The following KYAT1 variants were observed in gnomAD, a reference collection of about 807,000 sequenced individuals.
KYAT1 encodes kynurenine aminotransferase 1, also known as kynurenine--oxoglutarate transaminase 1.
KYAT1 carries 47 observed loss-of-function variants against 52.4 expected under a neutral mutation model. The observed-to-expected ratio is 0.90, with a 90% CI of 0.71 to 1.14. The LOEUF (loss-of-function observed/expected upper bound fraction) is 1.14, where lower values mean the gene tolerates loss of function less well. KYAT1 is among the 50% of genes most tolerant of loss of function. The pLI is 0.00. For missense variants in KYAT1, 480 were observed against 557.9 expected (o/e 0.86, Z 1.41); for synonymous variants, 212 against 209.6 (o/e 1.01, Z -0.10).
intron 1 of KYAT1, among the ~76,000 whole-genome samples, chr9:128,880,171 C>T (rs78877542): frequency 4.6e-5 from 7 of 152,264 alleles, no homozygotes; most frequent in South Asian, 4.1e-4. Flanking sequence ...TGGAGGCCCA[C>T]GGAGTACCTG....
chr9:128,849,531 T>C (rs10819450), intron 1 of KYAT1, among the ~76,000 whole-genome samples: 96,971 of 151,626 alleles, frequency 0.64, 33,602 homozygotes, highest in Admixed American at 0.76. Flanking sequence ...CGTGGCAGCT[T>C]ATGCCTGTAA....
At chr9:128,858,395 T>TA (rs59939090) in intron 1 of KYAT1, among the ~76,000 whole-genome samples, 4 of 65,108 alleles carry the variant, frequency 6.1e-5, no homozygotes, top group African/African-American at 3.4e-4. Context: ...AGACCATGTA[T>TA]AAAAAAAAAA....
In KYAT1 at chr9:128,867,284, A is replaced by G. The variant is rs149292867; in HGVS notation, c.-7+14613T>C. Among the ~76,000 whole-genome samples the G allele has an allele frequency of 7.3e-3, 1,114 of 152,262 alleles. 8 individuals carry two copies. Among genetic ancestry groups the G allele is most frequent in the African/African-American group, 0.019 (788 of 41,544 alleles). On this transcript the variant is annotated intron_variant, in intron 1 of 12. Transcript: ENST00000302586. ...AGCTTACACCTCTGGGGCTCAAGCCATCCTCCCACCTCAGCTTCCCAAGTA... is the reference window on the plus strand; with the variant it reads ...AGCTTACACCTCTGGGGCTCAAGCCGTCCTCCCACCTCAGCTTCCCAAGTA...
At chr9:128,877,634 T>C (rs1177518884) in intron 1 of KYAT1, among the ~76,000 whole-genome samples, 1 of 152,182 alleles carries the variant, frequency 6.6e-6, no homozygotes, top group African/African-American at 2.4e-5. Flanking sequence ...AACTTCACCT[T>C]GCATGGCTGC....
intron 1 of KYAT1, 107 bp downstream of exon 1, chr9:128,881,790 T>A (rs1838965016): frequency 6.6e-6 from 1 of 152,106 alleles, no homozygotes. Context: ...CTTAGTAGCA[T>A]CAAACTCATT....
Position 128,845,354 on chromosome 9 carries a change from A to AG in KYAT1, c.51dup (p.Trp18LeufsTer10), listed in dbSNP as rs776455875. The AG allele has an allele frequency of 3.9e-5, 63 of 1,613,308 alleles. 1 individual carries two copies. The highest frequency in any genetic ancestry group is 5.0e-5 in the Admixed American group (3 of 59,948). Reference sequence around the variant, plus strand: ...ACCTCCCCAGCCCAGCTGGCTCACCAGGGGTTGTAGTCGATCCCGTCTAGC... The same window carrying AG: ...ACCTCCCCAGCCCAGCTGGCTCACCAGGGGGTTGTAGTCGATCCCGTCTAGC... On this transcript the variant is annotated frameshift_variant and splice_region_variant, in exon 2 of 13. Coordinates refer to ENST00000302586, the MANE Select transcript of KYAT1 (RefSeq NM_004059.5). LOFTEE classifies it high-confidence loss of function.
intron 2 of KYAT1, among the ~76,000 whole-genome samples, chr9:128,843,379 C>A (rs1273538396): frequency 1.4e-5 from 2 of 140,332 alleles, no homozygotes; most frequent in Non-Finnish European, 3.0e-5. Flanking sequence ...AGGAAGAAAT[C>A]ATCTTTTTTT....
At chr9:128,880,601 C>T (rs1179518799) in intron 1 of KYAT1, among the ~76,000 whole-genome samples, 3 of 152,034 alleles carry the variant, frequency 2.0e-5, no homozygotes, top group Non-Finnish European at 2.9e-5. Context: ...GCCACCACAC[C>T]CGGCTAATTT....
At chr9:128,854,893 G>A (rs1223982791) in intron 1 of KYAT1, among the ~76,000 whole-genome samples, 1 of 152,166 alleles carries the variant, frequency 6.6e-6, no homozygotes, top group African/African-American at 2.4e-5. Context: ...CCTGGGGAAA[G>A]CACCAGGATG....
intron 2 of KYAT1, 92 bp downstream of exon 2, chr9:128,845,261 A>T (rs1197512169): frequency 2.1e-6 from 2 of 975,248 alleles, no homozygotes; most frequent in African/African-American, 3.2e-5. Context: ...TACCGCCACC[A>T]TCTGGAGTAC....
intron 1 of KYAT1, among the ~76,000 whole-genome samples, chr9:128,880,616 G>T (rs913796979): frequency 1.2e-4 from 18 of 151,856 alleles, no homozygotes; most frequent in African/African-American, 4.1e-4. Flanking sequence ...TAATTTTTTT[G>T]TATTTTTAGT....
At chr9:128,857,699 G>A (rs1463444733) in intron 1 of KYAT1, among the ~76,000 whole-genome samples, 1 of 152,186 alleles carries the variant, frequency 6.6e-6, no homozygotes, top group African/African-American at 2.4e-5. Flanking sequence ...AGCTGGGCGT[G>A]GTGGTGGGCA....
In KYAT1 at chr9:128,837,699, T is replaced by C; in HGVS notation, c.553A>G (p.Asn185Asp). ...CCCTCCAGTACCTTGCCCAGGGGGT[T>C]GTTGGGGGTGTTGAGGACCAGGGCT... The part of the protein sequence containing the change: ...TKALVLNTPN[N>D]PLGKVFSREE... Residue 185 changes from asparagine (N) to aspartate (D), a missense_variant, in exon 6 of 13, where the codon AAC (asparagine) becomes GAC (aspartate). Coordinates refer to ENST00000302586, the MANE Select transcript of KYAT1 (RefSeq NM_004059.5). The C allele has an allele frequency of 6.2e-7, 1 of 1,614,036 alleles. No homozygotes were observed. Among genetic ancestry groups the C allele is most frequent in the Non-Finnish European group, 8.5e-7 (1 of 1,179,998 alleles).
intron 1 of KYAT1, among the ~76,000 whole-genome samples, chr9:128,859,651 A>AT (rs1216908299): frequency 0.026 from 3,582 of 136,860 alleles, 101 homozygotes; most frequent in East Asian, 0.12. Flanking sequence ...TTGCCCAGCC[A>AT]TTTTTTTTTT....
At chr9:128,838,007 C>T (rs1417662685) in intron 5 of KYAT1, 44 bp downstream of exon 5, 4 of 1,589,812 alleles carry the variant, frequency 2.5e-6, no homozygotes, top group Admixed American at 1.7e-5. Flanking sequence ...TCAGCCCACG[C>T]CTTGGATCCC....
At position 128,837,665 on chromosome 9, in the gene KYAT1, G is replaced by A; in HGVS notation, c.567+20C>T. On this transcript the variant is annotated intron_variant, in intron 6 of 12. Transcript: ENST00000302586. Reference sequence around the variant, plus strand: ...ATGACCAGGTCCGCAGGGGGCCAGGGAAGGAGGTCCCTCCAGTACCTTGCC... The same window carrying A: ...ATGACCAGGTCCGCAGGGGGCCAGGAAAGGAGGTCCCTCCAGTACCTTGCC... The A allele has an allele frequency of 6.2e-7, 1 of 1,613,762 alleles. No homozygotes were observed. The highest frequency in any genetic ancestry group is 8.5e-7 in the Non-Finnish European group (1 of 1,179,846).
chr9:128,842,549 C>G, intron 3 of KYAT1, 105 bp downstream of exon 3: 1 of 1,146,014 alleles, frequency 8.7e-7, no homozygotes, highest in Non-Finnish European at 1.3e-6. Flanking sequence ...CATACAGAAT[C>G]CCCTGGCTCT....
rs567649935 is a variant in KYAT1, at chr9:128,845,732, A to G, written c.-6-321T>C. On this transcript the variant is annotated intron_variant, in intron 1 of 12. Coordinates refer to ENST00000302586, the MANE Select transcript of KYAT1 (RefSeq NM_004059.5). ...ACAGAGCCCTGACTTGGCCAGGTTA[A>G]AGTCTGACTCAGGAAGGGCTGAGGG... 3.9e-5 allele frequency among the ~76,000 whole-genome samples: 6 copies of G among 152,288 alleles called. No individual in the cohort carries two copies. The East Asian group carries it at 1.2e-3, about 29-fold the overall frequency.
intron 1 of KYAT1, among the ~76,000 whole-genome samples, chr9:128,849,720 T>C (rs1833660001): frequency 7.2e-6 from 1 of 139,334 alleles, no homozygotes; most frequent in African/African-American, 2.7e-5. Context: ...TGCTTCAACT[T>C]GGGAGATGGA....
Sources: gnomAD v4.1 joint callset for allele counts (sites outside exome capture counted in the v4.1 genomes callset) on GRCh38, gnomAD v4.1.1 for gene constraint, MANE v1.5 for transcripts, NCBI Gene and HGNC (gene_info 2026-07-23, HGNC 2026-07-21) for gene names.